TCF7L2: variants seen among roughly 807,000 people sequenced by gnomAD.
TCF7L2 encodes transcription factor 7 like 2, also known as transcription factor 7-like 2.
TCF7L2 carries 23 observed loss-of-function variants against 77.9 expected under a neutral mutation model. The ratio of observed to expected loss-of-function variants is 0.30; its 90% confidence interval spans 0.21 to 0.42. The LOEUF is 0.42. TCF7L2 is among the 10% of genes least tolerant of loss of function. The probability of loss-of-function intolerance (pLI) is 1.00; values close to 1 mark genes in which losing one functional copy is unlikely to be tolerated. For missense variants in TCF7L2, 654 were observed against 793.1 expected, an observed-to-expected ratio of 0.82 and a Z score of 2.11; for synonymous variants, 413 against 340.2, an observed-to-expected ratio of 1.21 and a Z score of -2.36.
chr10:113,018,902 G>A (rs1401794572), intron 4 of TCF7L2, among the ~76,000 whole-genome samples: 1 of 152,204 alleles, frequency 6.6e-6, no homozygotes, highest in African/African-American at 2.4e-5. Flanking sequence ...GAGGAACAGG[G>A]CCTGGCTCTG....
At chr10:113,145,971 CCTTGTTT>C in intron 7 of TCF7L2, 33 bp from the exon 8 acceptor site, 14 of 1,317,168 alleles carry the variant, frequency 1.1e-5, no homozygotes, top group Non-Finnish European at 1.4e-5. Context: ...CCACCCCCAC[CCTTGTTT>C]CAAGTCTCTT....
chr10:112,993,225 A>G (rs1361397962), intron 4 of TCF7L2, among the ~76,000 whole-genome samples: 1 of 152,164 alleles, frequency 6.6e-6, no homozygotes, highest in Non-Finnish European at 1.5e-5. Flanking sequence ...ACACATGTGA[A>G]AATGCTTTTG....
rs77812091 is a variant in TCF7L2, at chr10:113,032,188, C to A, written c.451-7837C>A. 3.9e-5 allele frequency among the ~76,000 whole-genome samples: 6 copies of A among 152,146 alleles called. No individual in the cohort carries two copies. In the East Asian group the frequency reaches 9.6e-4, roughly 24 times the overall value. On this transcript the variant is annotated intron_variant, in intron 4 of 13. Coordinates refer to ENST00000627217, the MANE Select transcript of TCF7L2 (RefSeq NM_001146274.2). ...AAGGCCTGGGCCTCAGCCTAAGGGG[C>A]CCATTGGTTGTGAGAGGAGGGTCTG...
At chr10:113,073,129 T>TGTGTGTGTGTGTGTGTGTGA (rs56927661) in intron 5 of TCF7L2, among the ~76,000 whole-genome samples, 40 of 123,580 alleles carry the variant, frequency 3.2e-4, no homozygotes, top group African/African-American at 5.8e-4. Flanking sequence ...TGTGTGTGTG[T>TGTGTGTGTGTGTGTGTGTGA]GAGAGAGAGA....
At chr10:113,033,580 A>G (rs1301721947) in intron 4 of TCF7L2, among the ~76,000 whole-genome samples, 1 of 152,176 alleles carries the variant, frequency 6.6e-6, no homozygotes, top group Non-Finnish European at 1.5e-5. Flanking sequence ...TCTTTCTCCA[A>G]GTACAGAGTC....
intron 5 of TCF7L2, among the ~76,000 whole-genome samples, chr10:113,134,189 C>T (rs1409646216): frequency 6.6e-6 from 1 of 152,222 alleles, no homozygotes; most frequent in Non-Finnish European, 1.5e-5. Flanking sequence ...ACCCCGGCCA[C>T]GGTGATGCAT....
intron 12 of TCF7L2, 68 bp from the exon 13 acceptor site, chr10:113,158,599 G>C: frequency 1.3e-6 from 2 of 1,534,766 alleles, no homozygotes; most frequent in Middle Eastern, 1.7e-4. Flanking sequence ...CTTGGAGAAG[G>C]CCAGGCTTTT....
intron 4 of TCF7L2, among the ~76,000 whole-genome samples, chr10:112,973,519 T>C (rs551047476): frequency 6.6e-6 from 1 of 152,300 alleles, no homozygotes; most frequent in Admixed American, 6.5e-5. Flanking sequence ...TTCCCCACAC[T>C]GGATGATTCT....
intron 4 of TCF7L2, among the ~76,000 whole-genome samples, chr10:113,032,670 C>T (rs2050448042): frequency 6.6e-6 from 1 of 152,304 alleles, no homozygotes; most frequent in South Asian, 2.1e-4. Context: ...AGTGAAAACA[C>T]ATCCGGTATG....
chr10:113,148,170 C>T (rs1052646625), intron 8 of TCF7L2, among the ~76,000 whole-genome samples: 7 of 152,090 alleles, frequency 4.6e-5, no homozygotes, highest in African/African-American at 1.7e-4. Context: ...CATGGAGAAG[C>T]CTAGATTGGC....
At chr10:112,996,932 A>G (rs1211043898) in intron 4 of TCF7L2, among the ~76,000 whole-genome samples, 1 of 152,092 alleles carries the variant, frequency 6.6e-6, no homozygotes, top group Non-Finnish European at 1.5e-5. Flanking sequence ...GGGGAGAGAG[A>G]GGAAAGGAGA....
intron 4 of TCF7L2, among the ~76,000 whole-genome samples, chr10:112,982,675 C>T (rs1007480056): frequency 6.6e-6 from 1 of 152,130 alleles, no homozygotes; most frequent in African/African-American, 2.4e-5. Flanking sequence ...GACTGGAGTG[C>T]AGTGGTGCGA....
At chr10:113,088,949 A>G (rs2060102973) in intron 5 of TCF7L2, among the ~76,000 whole-genome samples, 1 of 152,190 alleles carries the variant, frequency 6.6e-6, no homozygotes, top group African/African-American at 2.4e-5. Flanking sequence ...TAGAAAAAAA[A>G]AAAAAAGATC....
At chr10:113,057,439 G>A (rs2134746216) in intron 5 of TCF7L2, among the ~76,000 whole-genome samples, 1 of 152,298 alleles carries the variant, frequency 6.6e-6, no homozygotes, top group East Asian at 1.9e-4. Context: ...CCGAAGTGGT[G>A]GGATTATAGG....
chr10:112,979,066 A>T (rs940352568), intron 4 of TCF7L2, among the ~76,000 whole-genome samples: 3 of 152,128 alleles, frequency 2.0e-5, no homozygotes, highest in Non-Finnish European at 4.4e-5. Flanking sequence ...GGAGGTGCTA[A>T]AGCCCCCTAG....
At chr10:112,996,722 CA>C (rs918913796) in intron 4 of TCF7L2, among the ~76,000 whole-genome samples, 15 of 152,072 alleles carry the variant, frequency 9.9e-5, no homozygotes, top group Middle Eastern at 3.2e-3. Flanking sequence ...AGTCAGAACC[CA>C]AAAGGGGCCA....
chr10:112,965,227 C>T (rs914864634), intron 4 of TCF7L2, among the ~76,000 whole-genome samples: 14 of 152,154 alleles, frequency 9.2e-5, no homozygotes, highest in African/African-American at 3.4e-4. Context: ...GCGACAGATC[C>T]CAGCTTCTGA....
At chr10:113,034,789 G>A (rs1458146032) in intron 4 of TCF7L2, among the ~76,000 whole-genome samples, 5 of 152,096 alleles carry the variant, frequency 3.3e-5, no homozygotes, top group Admixed American at 6.5e-5. Flanking sequence ...CCAGCTACTC[G>A]GGAGGCTGAG....
rs574437796 is a variant in TCF7L2, at chr10:112,977,853, A to G, written c.450+13229A>G. 3.9e-5 allele frequency among the ~76,000 whole-genome samples: 6 copies of G among 152,312 alleles called. No individual in the cohort carries two copies. The East Asian group carries it at 9.6e-4, about 24-fold the overall frequency. ...ATGGCGGGGAAAGGCAGCAATGACC[A>G]AACGATGTACTGCCTGCTGTCGGGG... On this transcript the variant is annotated intron_variant, in intron 4 of 13. Coordinates refer to ENST00000627217, the MANE Select transcript of TCF7L2 (RefSeq NM_001146274.2).
Sources: gnomAD v4.1 joint callset for allele counts (sites outside exome capture counted in the v4.1 genomes callset) on GRCh38, gnomAD v4.1.1 for gene constraint, MANE v1.5 for transcripts, NCBI Gene and HGNC (gene_info 2026-07-23, HGNC 2026-07-21) for gene names.